HACE1: variants seen among roughly 807,000 people sequenced by gnomAD.
The protein encoded by HACE1 is E3 ubiquitin-protein ligase HACE1.
HACE1 carries 73 observed loss-of-function variants against 118.4 expected under a neutral mutation model. That is an observed-to-expected ratio of 0.62 (90% CI 0.51 to 0.75). The LOEUF (loss-of-function observed/expected upper bound fraction) is 0.75. HACE1 is among the 30% of genes least tolerant of loss of function. The probability of loss-of-function intolerance (pLI) is 0.00; values close to 1 mark genes in which losing one functional copy is unlikely to be tolerated. For synonymous variants in HACE1, 368 were observed against 374.8 expected (o/e 0.98, Z 0.21); for missense variants, 749 against 1,102.2 (o/e 0.68, Z 4.54).
intron 10 of HACE1, among the ~76,000 whole-genome samples, chr6:104,793,734 C>A (rs1182370011): frequency 6.6e-6 from 1 of 152,060 alleles, no homozygotes; most frequent in East Asian, 1.9e-4. Flanking sequence ...TACAAAAATA[C>A]CATTAAACAT....
intron 1 of HACE1, 95 bp downstream of exon 1, chr6:104,859,472 G>T: frequency 1.1e-6 from 1 of 945,494 alleles, no homozygotes. Flanking sequence ...TCAGCTTTCA[G>T]TTAGTTTTTC....
chr6:104,854,282 A>G (rs1026686972), intron 1 of HACE1, among the ~76,000 whole-genome samples: 2 of 152,230 alleles, frequency 1.3e-5, no homozygotes, highest in Non-Finnish European at 2.9e-5. Flanking sequence ...GCAATGTGGT[A>G]TCCTGAATTG....
chr6:104,794,129 A>AT (rs149154223), intron 10 of HACE1, among the ~76,000 whole-genome samples: 1,808 of 152,226 alleles, frequency 0.012, 19 homozygotes, highest in Non-Finnish European at 0.02. Context: ...TTTAACTTCA[A>AT]TTTTTTTACA....
intron 14 of HACE1, among the ~76,000 whole-genome samples, chr6:104,782,212 G>A (rs545778587): frequency 6.6e-6 from 1 of 152,300 alleles, no homozygotes; most frequent in South Asian, 2.1e-4. Flanking sequence ...ACTTGTCCGG[G>A]TGTGGTGGCT....
At chr6:104,801,407 C>T (rs1770334179) in intron 7 of HACE1, among the ~76,000 whole-genome samples, 3 of 152,120 alleles carry the variant, frequency 2.0e-5, no homozygotes, top group African/African-American at 7.2e-5. Flanking sequence ...CCCCAAGACA[C>T]ATAACTGTCA....
At chr6:104,770,046 T>C (rs1175476474) in intron 19 of HACE1, among the ~76,000 whole-genome samples, 1 of 152,202 alleles carries the variant, frequency 6.6e-6, no homozygotes, top group Non-Finnish European at 1.5e-5. Flanking sequence ...ATTATTCCAA[T>C]TCTACAGAAA....
rs1774872812 is a variant in HACE1 at position 104,728,434 on chromosome 6, CAAGAGAAT to C, written c.*1220_*1227del. The C allele has an allele frequency of 6.6e-6, 1 of 152,016 alleles. No homozygotes were observed. The highest frequency in any genetic ancestry group is 6.6e-5 in the Admixed American group (1 of 15,254). The allele number at this position is 152,016 out of a possible 1,614,324, so 9.4% of individuals were successfully genotyped here. ...ATATTTTGTTAACATTTAGAAAAGA[CAAGAGAAT>C]AAGAGAATCAAAACCAACGAATTAA... On this transcript the variant is annotated 3_prime_UTR_variant, in exon 24 of 24. Coordinates refer to ENST00000262903, the MANE Select transcript of HACE1 (RefSeq NM_020771.4).
chr6:104,816,444 T>C (rs1772125627), intron 6 of HACE1, among the ~76,000 whole-genome samples: 1 of 152,196 alleles, frequency 6.6e-6, no homozygotes, highest in Admixed American at 6.5e-5. Flanking sequence ...GCCACTGCTT[T>C]AGAGGGTGCA....
intron 1 of HACE1, among the ~76,000 whole-genome samples, chr6:104,853,239 C>T (rs1172163644): frequency 1.3e-5 from 2 of 152,184 alleles, no homozygotes; most frequent in Admixed American, 6.5e-5. Flanking sequence ...TTGGACTTCC[C>T]AGCTTCCAGA....
At chr6:104,738,521 G>C (rs1776214136) in intron 22 of HACE1, among the ~76,000 whole-genome samples, 1 of 150,074 alleles carries the variant, frequency 6.7e-6, no homozygotes, top group Admixed American at 6.6e-5. Flanking sequence ...CGTGAAGAAT[G>C]CAGAAGCCTC....
intron 6 of HACE1, among the ~76,000 whole-genome samples, chr6:104,813,916 C>G (rs1211886566): frequency 7.3e-6 from 1 of 136,920 alleles, no homozygotes; most frequent in Non-Finnish European, 1.6e-5. Context: ...AGAAATTATA[C>G]CATGGAATGA....
At chr6:104,788,846 T>C (rs1003067998) in intron 11 of HACE1, among the ~76,000 whole-genome samples, 6 of 152,108 alleles carry the variant, frequency 3.9e-5, no homozygotes, top group African/African-American at 1.2e-4. Flanking sequence ...CTTGAAGAAC[T>C]TCTAAAATAA....
At chr6:104,851,298 G>A (rs957915066) in intron 2 of HACE1, among the ~76,000 whole-genome samples, 3 of 152,136 alleles carry the variant, frequency 2.0e-5, no homozygotes, top group African/African-American at 7.2e-5. Flanking sequence ...TGGCCAAGAT[G>A]ATCTCAATCT....
intron 23 of HACE1, 88 bp from the exon 24 acceptor site, chr6:104,729,852 T>A: frequency 1.4e-6 from 1 of 721,228 alleles, no homozygotes; most frequent in Non-Finnish European, 2.5e-6. Context: ...TACTCATAAT[T>A]AACATAAAAT....
intron 19 of HACE1, among the ~76,000 whole-genome samples, chr6:104,765,704 CTTGT>C (rs1363568139): frequency 6.6e-6 from 1 of 152,158 alleles, no homozygotes; most frequent in African/African-American, 2.4e-5. Context: ...TAGATCTTTG[CTTGT>C]TTATGATCGG....
chr6:104,781,622 A>G (rs1781752533), intron 14 of HACE1, among the ~76,000 whole-genome samples: 1 of 152,124 alleles, frequency 6.6e-6, no homozygotes, highest in South Asian at 2.1e-4. Flanking sequence ...TATTTGATCA[A>G]CCTGCAACCC....
intron 6 of HACE1, among the ~76,000 whole-genome samples, chr6:104,828,599 C>A (rs772486233): frequency 6.6e-6 from 1 of 151,850 alleles, no homozygotes; most frequent in East Asian, 1.9e-4. Flanking sequence ...TTATTAAATA[C>A]GGATAGAAGT....
At chr6:104,737,479 C>A (rs994320311) in intron 22 of HACE1, among the ~76,000 whole-genome samples, 8 of 151,978 alleles carry the variant, frequency 5.3e-5, no homozygotes, top group African/African-American at 1.9e-4. Context: ...GCGCACCGTG[C>A]GCGAGCCGAA....
Position 104,814,818 on chromosome 6 carries a change from C to T in HACE1, c.535-3425G>A, listed in dbSNP as rs1171480623. ...CACGCTCTTTCTCCCTCTCTCCTGC[C>T]ACCATCTGAAGAAGATGCTTGCTTC... On this transcript the variant is annotated intron_variant, in intron 6 of 23. Coordinates refer to ENST00000262903, the MANE Select transcript of HACE1 (RefSeq NM_020771.4). 1.5e-5 allele frequency among the ~76,000 whole-genome samples: 2 copies of T among 137,704 alleles called. 1 individual carries two copies. The highest frequency in any genetic ancestry group is 3.1e-5 in the Non-Finnish European group (2 of 64,228). The allele number at this position is 137,704 out of a possible 152,430, so 90.3% of individuals were successfully genotyped here. A position where few individuals can be genotyped will look rare whatever the true frequency, so the allele number is the denominator to read the frequency against.
Sources: allele counts gnomAD v4.1 joint callset (sites outside exome capture counted in the v4.1 genomes callset), GRCh38; gene constraint gnomAD v4.1.1; transcripts MANE v1.5; gene names NCBI Gene and HGNC (gene_info 2026-07-23, HGNC 2026-07-21).